HS3ST4: variants seen among roughly 807,000 people sequenced by gnomAD.
HS3ST4 encodes the protein heparan sulfate-glucosamine 3-sulfotransferase 4.
A neutral mutation model predicts 29.2 loss-of-function variants in HS3ST4; 17 were observed. The observed-to-expected ratio is 0.58, with a 90% CI of 0.40 to 0.87. HS3ST4 has a LOEUF of 0.87. Among genes scored for constraint, HS3ST4 ranks in the 40% least tolerant of loss-of-function variants. The pLI is 0.00. For synonymous variants in HS3ST4, 314 were observed against 285.7 expected (o/e 1.10, Z -1.00); for missense variants, 627 against 634.5 (o/e 0.99, Z 0.13).
At chr16:25,993,399 A>T (rs1438329734) in intron 1 of HS3ST4, among the ~76,000 whole-genome samples, 1 of 152,112 alleles carries the variant, frequency 6.6e-6, no homozygotes, top group Admixed American at 6.5e-5. Context: ...TCCTGTCTTG[A>T]AATTCCTATG....
intron 1 of HS3ST4, among the ~76,000 whole-genome samples, chr16:26,111,775 T>C (rs1180867569): frequency 6.6e-6 from 1 of 152,186 alleles, no homozygotes; most frequent in Non-Finnish European, 1.5e-5. Flanking sequence ...GCCCAACACT[T>C]TGGGAGGCCA....
At chr16:25,720,988 C>T (rs1038447242) in intron 1 of HS3ST4, among the ~76,000 whole-genome samples, 2 of 152,124 alleles carry the variant, frequency 1.3e-5, no homozygotes, top group African/African-American at 4.8e-5. Flanking sequence ...CGTTGTTGCC[C>T]AAACAAAAGA....
chr16:25,872,803 A>C (rs748147644), intron 1 of HS3ST4, among the ~76,000 whole-genome samples: 6 of 152,234 alleles, frequency 3.9e-5, no homozygotes, highest in Non-Finnish European at 7.3e-5. Flanking sequence ...TAAAGGATGC[A>C]TCTATAAGAG....
At chr16:25,924,195 G>A (rs1968381567) in intron 1 of HS3ST4, among the ~76,000 whole-genome samples, 1 of 152,140 alleles carries the variant, frequency 6.6e-6, no homozygotes, top group South Asian at 2.1e-4. Flanking sequence ...GATTCATCTT[G>A]GAGCTGCTTG....
chr16:26,134,346 TC>T (rs1567320035), intron 1 of HS3ST4, among the ~76,000 whole-genome samples: 3 of 113,762 alleles, frequency 2.6e-5, no homozygotes, highest in South Asian at 2.9e-4. Flanking sequence ...TCTTTTCTTT[TC>T]TTTTCTTTTC....
chr16:26,091,177 A>G (rs908817366), intron 1 of HS3ST4, among the ~76,000 whole-genome samples: 1 of 152,202 alleles, frequency 6.6e-6, no homozygotes, highest in African/African-American at 2.4e-5. Context: ...CAAGATAATG[A>G]ACCGATCCCT....
intron 1 of HS3ST4, among the ~76,000 whole-genome samples, chr16:25,904,733 G>A (rs1968163063): frequency 6.6e-6 from 1 of 152,134 alleles, no homozygotes; most frequent in African/African-American, 2.4e-5. Flanking sequence ...TAGTAACTGT[G>A]CATCTCTGGG....
chr16:26,042,666 T>C (rs1044976004), intron 1 of HS3ST4, among the ~76,000 whole-genome samples: 13 of 152,342 alleles, frequency 8.5e-5, no homozygotes, highest in Non-Finnish European at 1.5e-4. Flanking sequence ...AGGAGAATCA[T>C]TATTTGCAGC....
At chr16:25,719,103 T>G (rs78957461) in intron 1 of HS3ST4, among the ~76,000 whole-genome samples, 1 of 151,688 alleles carries the variant, frequency 6.6e-6, no homozygotes, top group African/African-American at 2.4e-5. Flanking sequence ...AAGAGTTGAC[T>G]TTTTAAAGAT....
At chr16:25,923,708 C>T (rs530503291) in intron 1 of HS3ST4, among the ~76,000 whole-genome samples, 3 of 152,292 alleles carry the variant, frequency 2.0e-5, no homozygotes, top group Admixed American at 2.0e-4. Context: ...CTCTCACTGC[C>T]TGCACAGAAA....
chr16:25,823,442 T>A (rs1294357942), intron 1 of HS3ST4, among the ~76,000 whole-genome samples: 1 of 152,226 alleles, frequency 6.6e-6, no homozygotes, highest in Non-Finnish European at 1.5e-5. Flanking sequence ...ATGAGGTATG[T>A]AGTTCATTAT....
intron 1 of HS3ST4, among the ~76,000 whole-genome samples, chr16:25,967,834 G>A (rs1968858492): frequency 6.6e-6 from 1 of 152,176 alleles, no homozygotes; most frequent in Admixed American, 6.5e-5. Flanking sequence ...TGGGCTTGTG[G>A]GTGGGAGAGG....
At chr16:25,942,483 T>C (rs1184070531) in intron 1 of HS3ST4, among the ~76,000 whole-genome samples, 1 of 152,184 alleles carries the variant, frequency 6.6e-6, no homozygotes, top group Non-Finnish European at 1.5e-5. Flanking sequence ...CAAAGAGTAC[T>C]GAAAAACAGC....
At chr16:25,703,031 T>C (rs540540137) in intron 1 of HS3ST4, among the ~76,000 whole-genome samples, 18 of 152,220 alleles carry the variant, frequency 1.2e-4, no homozygotes, top group African/African-American at 4.3e-4. Flanking sequence ...TGGTGATGCG[T>C]GCCTGTAATC....
intron 1 of HS3ST4, among the ~76,000 whole-genome samples, chr16:26,074,827 C>CT (rs1191774772): frequency 6.6e-6 from 1 of 152,190 alleles, no homozygotes; most frequent in East Asian, 1.9e-4. Context: ...TGCCCCGACT[C>CT]TGAGCTTCAA....
At chr16:26,035,580 A>G (rs908041355) in intron 1 of HS3ST4, among the ~76,000 whole-genome samples, 2 of 152,190 alleles carry the variant, frequency 1.3e-5, no homozygotes, top group Non-Finnish European at 2.9e-5. Context: ...CCCATATATA[A>G]TTAACCACTC....
chr16:25,698,747 T>C (rs1966315384), intron 1 of HS3ST4, among the ~76,000 whole-genome samples: 2 of 152,206 alleles, frequency 1.3e-5, no homozygotes, highest in South Asian at 4.1e-4. Flanking sequence ...AAGAGGCTGT[T>C]ATTTGGGATG....
chr16:25,887,982 C>A (rs12149713), intron 1 of HS3ST4, among the ~76,000 whole-genome samples: 9,840 of 152,208 alleles, frequency 0.065, 341 homozygotes, highest in East Asian at 0.07. Context: ...TAGGCATGAG[C>A]CACCGCGCCC....
chr16:26,100,387 G>A (rs573238352), intron 1 of HS3ST4, among the ~76,000 whole-genome samples: 1 of 152,286 alleles, frequency 6.6e-6, no homozygotes, highest in Admixed American at 6.5e-5. Context: ...TTCCTTCAGG[G>A]TCACAGAGCA....
Sources: allele counts gnomAD v4.1 joint callset (sites outside exome capture counted in the v4.1 genomes callset), GRCh38; gene constraint gnomAD v4.1.1; transcripts MANE v1.5; gene names NCBI Gene and HGNC (gene_info 2026-07-23, HGNC 2026-07-21).